GLI3: variants seen among roughly 807,000 people sequenced by gnomAD.
The protein encoded by GLI3 is GLI family zinc finger 3.
Under a neutral mutation model 100.8 loss-of-function variants are expected in GLI3, and 20 were observed. That is an observed-to-expected ratio of 0.20 (90% confidence interval 0.14 to 0.29). The LOEUF is 0.29. Among genes scored for constraint, GLI3 ranks in the 10% least tolerant of loss-of-function variants. GLI3 has a pLI of 1.00. For synonymous variants in GLI3, 938 were observed against 860.5 expected, an observed-to-expected ratio of 1.09 and a Z score of -1.58; for missense variants, 2,040 against 2,128.5, an observed-to-expected ratio of 0.96 and a Z score of 0.82.
chr7:42,252,562 C>T (rs930840114), intron 1 of GLI3, among the ~76,000 whole-genome samples: 1 of 152,186 alleles, frequency 6.6e-6, no homozygotes, highest in East Asian at 1.9e-4. Flanking sequence ...CACTATTATA[C>T]ACACAAAAAG....
intron 2 of GLI3, among the ~76,000 whole-genome samples, chr7:42,220,736 T>G (rs1008428550): frequency 2.0e-5 from 3 of 152,262 alleles, no homozygotes; most frequent in Non-Finnish European, 4.4e-5. Context: ...TTTTACTTGT[T>G]CCTCTCTTTA....
intron 2 of GLI3, among the ~76,000 whole-genome samples, chr7:42,162,518 GTCAT>G (rs1226450223): frequency 6.6e-6 from 1 of 152,192 alleles, no homozygotes; most frequent in African/African-American, 2.4e-5. Flanking sequence ...CTGCTGCCAA[GTCAT>G]TCAAAGAACT....
At chr7:42,065,374 A>T in intron 4 of GLI3, among the ~76,000 whole-genome samples, 1 of 151,944 alleles carries the variant, frequency 6.6e-6, no homozygotes. Flanking sequence ...AAAACAACTG[A>T]ATGTACCCTT....
chr7:42,007,510 A>G (rs917115009), intron 10 of GLI3, among the ~76,000 whole-genome samples: 11 of 152,248 alleles, frequency 7.2e-5, no homozygotes, highest in African/African-American at 2.4e-4. Flanking sequence ...CTTATTGAGG[A>G]AAAAAACGCC....
At position 41,964,530 on chromosome 7, in the gene GLI3, G is replaced by T. The variant is rs2128704805; in HGVS notation, c.4543C>A (p.His1515Asn). 2 of 1,613,582 alleles carry T rather than the reference G, an allele frequency of 1.2e-6. No individual in the cohort carries two copies. Among genetic ancestry groups the T allele is most frequent in the South Asian group, 1.1e-5 (1 of 91,054 alleles). Residue 1515 changes from histidine (H) to asparagine (N), a missense_variant, in exon 15 of 15, where the codon CAC becomes AAC. His to Asn is a moderately conservative substitution (Grantham distance 68). Coordinates refer to ENST00000395925, the MANE Select transcript of GLI3 (RefSeq NM_000168.6). ...AGGGCCCCCGACATCAGGCTGGAGT[G>T]GTCCCCATCGTCTATGATGGCATCG... ...DFDAIIDDGD[H>N]SSLMSGALSP...
At chr7:42,067,452 A>G (rs1222651051) in intron 4 of GLI3, among the ~76,000 whole-genome samples, 1 of 152,120 alleles carries the variant, frequency 6.6e-6, no homozygotes, top group Non-Finnish European at 1.5e-5. Context: ...TTAACTCTAG[A>G]GCTTCCCTCT....
chr7:42,049,010 G>A (rs909429144), intron 4 of GLI3, among the ~76,000 whole-genome samples: 1 of 151,856 alleles, frequency 6.6e-6, no homozygotes, highest in East Asian at 1.9e-4. Flanking sequence ...CAGGCAACTG[G>A]GCTTAAAGTG....
intron 1 of GLI3, among the ~76,000 whole-genome samples, chr7:42,224,600 T>A (rs1038520465): frequency 6.6e-6 from 1 of 152,198 alleles, no homozygotes; most frequent in Admixed American, 6.5e-5. Context: ...GAACAGCTTT[T>A]GTAGAATAAA....
Position 42,048,536 on chromosome 7 carries a change from A to T in GLI3, c.634T>A (p.Ser212Thr), listed in dbSNP as rs749750615. Reference sequence around the variant, plus strand: ...CGGGTTGCTGAGATCATGGAGAGCGATGGGCTGCTGTGCAAGGAGCGGATA... The same window carrying T: ...CGGGTTGCTGAGATCATGGAGAGCGTTGGGCTGCTGTGCAAGGAGCGGATA... ...DYIRSLHSSP[S>T]LSMISATRGL... The change falls in exon 5 of 15, where the codon TCG (serine) becomes ACG (threonine). Residue 212 changes from serine to threonine, a missense_variant. This residue lies in a region of GLI3 where 603 missense variants were observed against 690.9 expected (regional missense o/e 0.87). Transcript: ENST00000395925. 1.2e-6 allele frequency: 2 copies of T among 1,613,450 alleles called. No individual in the cohort carries two copies. The highest frequency in any genetic ancestry group is 1.7e-6 in the Non-Finnish European group (2 of 1,179,840).
intron 2 of GLI3, among the ~76,000 whole-genome samples, chr7:42,153,874 A>G (rs959929657): frequency 1.3e-5 from 2 of 152,156 alleles, no homozygotes; most frequent in African/African-American, 4.8e-5. Flanking sequence ...TCCTCACAGC[A>G]ACCCAATGAT....
At chr7:42,010,336 G>A (rs746140624) in intron 10 of GLI3, among the ~76,000 whole-genome samples, 1 of 152,216 alleles carries the variant, frequency 6.6e-6, no homozygotes, top group Non-Finnish European at 1.5e-5. Context: ...GGGTAGGGGA[G>A]TGCACTGGGA....
chr7:42,243,195 G>A (rs1163322868), intron 1 of GLI3, among the ~76,000 whole-genome samples: 18 of 152,172 alleles, frequency 1.2e-4, no homozygotes, highest in Non-Finnish European at 2.9e-5. Flanking sequence ...GGGAAAGGAA[G>A]GACATAGGAT....
At position 42,104,767 on chromosome 7, in the gene GLI3, T is replaced by C. The variant is rs141841794; in HGVS notation, c.368-27910A>G. Among the ~76,000 whole-genome samples the C allele has an allele frequency of 3.8e-3, 575 of 152,212 alleles. 1 individual carries two copies. Among genetic ancestry groups the C allele is most frequent in the South Asian group, 0.015 (71 of 4,816 alleles). On this transcript the variant is annotated intron_variant, in intron 3 of 14. Transcript: ENST00000395925. ...GAGGTGTTCATAAGGGTGGAGCCCTTATGAATGGGGTTCCTTTTAAAGAGG... is the reference window on the plus strand; with the variant it reads ...GAGGTGTTCATAAGGGTGGAGCCCTCATGAATGGGGTTCCTTTTAAAGAGG...
chr7:42,079,753 T>C (rs1784960665), intron 3 of GLI3, among the ~76,000 whole-genome samples: 1 of 152,238 alleles, frequency 6.6e-6, no homozygotes, highest in African/African-American at 2.4e-5. Flanking sequence ...GTGTTCTGCA[T>C]GATGAAATTC....
intron 12 of GLI3, among the ~76,000 whole-genome samples, chr7:41,974,231 G>A (rs1204438764): frequency 6.6e-6 from 1 of 152,106 alleles, no homozygotes; most frequent in Non-Finnish European, 1.5e-5. Flanking sequence ...CAAATGTGTC[G>A]GCTCCTGCAC....
At chr7:42,083,679 AT>A (rs1185901676) in intron 3 of GLI3, among the ~76,000 whole-genome samples, 7 of 152,354 alleles carry the variant, frequency 4.6e-5, no homozygotes, top group African/African-American at 9.6e-5. Context: ...AGAAAAAAAA[AT>A]ATCAATTTTT....
intron 13 of GLI3, among the ~76,000 whole-genome samples, chr7:41,969,167 AGTGAT>A (rs1375443558): frequency 1.3e-5 from 2 of 152,158 alleles, no homozygotes; most frequent in Non-Finnish European, 2.9e-5. Context: ...AGATAAGAAA[AGTGAT>A]GTTCAGAGAA....
At chr7:42,117,474 C>T (rs763891355) in intron 3 of GLI3, among the ~76,000 whole-genome samples, 12 of 152,148 alleles carry the variant, frequency 7.9e-5, no homozygotes, top group Non-Finnish European at 1.2e-4. Context: ...ACACTCATTG[C>T]CATGACTCAG....
intron 2 of GLI3, among the ~76,000 whole-genome samples, chr7:42,175,264 G>C (rs1228019271): frequency 6.6e-6 from 1 of 152,118 alleles, no homozygotes; most frequent in African/African-American, 2.4e-5. Flanking sequence ...TCCATCCCTC[G>C]GTCCAGTTGT....
Sources: allele counts gnomAD v4.1 joint callset (sites outside exome capture counted in the v4.1 genomes callset), GRCh38; gene constraint gnomAD v4.1.1; regional missense constraint gnomAD v4.1.1; transcripts MANE v1.5; gene names NCBI Gene and HGNC (gene_info 2026-07-23, HGNC 2026-07-21).